CCSER1: variants seen among roughly 807,000 people sequenced by gnomAD.
CCSER1 encodes coiled-coil serine rich protein 1.
In CCSER1, 41 loss-of-function variants were observed where a neutral mutation model predicts 82.0. That is an observed-to-expected ratio of 0.50 (90% confidence interval 0.39 to 0.65). The LOEUF (loss-of-function observed/expected upper bound fraction) is 0.65. Among genes scored for constraint, CCSER1 ranks in the 30% least tolerant of loss-of-function variants. The pLI is 0.00. For synonymous variants in CCSER1, 414 were observed against 383.9 expected (o/e 1.08, Z -0.92); for missense variants, 1,119 against 1,064.2 (o/e 1.05, Z -0.72).
intron 3 of CCSER1, among the ~76,000 whole-genome samples, chr4:90,385,293 G>A (rs193276017): frequency 6.6e-6 from 1 of 151,836 alleles, no homozygotes; most frequent in East Asian, 1.9e-4. Context: ...TTAGATCTTT[G>A]AGAAATCTTC....
intron 9 of CCSER1, among the ~76,000 whole-genome samples, chr4:90,947,055 G>C (rs1732339758): frequency 6.6e-6 from 1 of 152,148 alleles, no homozygotes; most frequent in Non-Finnish European, 1.5e-5. Context: ...TTGTACAACA[G>C]ATCTTAAATT....
chr4:90,404,894 A>G (rs2153548464), intron 4 of CCSER1, among the ~76,000 whole-genome samples: 1 of 152,310 alleles, frequency 6.6e-6, no homozygotes, highest in East Asian at 1.9e-4. Flanking sequence ...TCCCTCTGAC[A>G]CAGTCTACTC....
chr4:90,932,980 AAGAGAAAG>A (rs1195327722), intron 9 of CCSER1, among the ~76,000 whole-genome samples: 1 of 21,940 alleles, frequency 4.6e-5, no homozygotes, highest in South Asian at 1.3e-3. Context: ...GAAAGAAAGA[AAGAGAAAG>A]AAAGAAAGAA....
chr4:90,170,806 T>C (rs954378393), intron 1 of CCSER1, among the ~76,000 whole-genome samples: 9 of 151,944 alleles, frequency 5.9e-5, no homozygotes, highest in African/African-American at 1.9e-4. Flanking sequence ...TTGTCTATTG[T>C]GAATAGTACT....
At chr4:90,821,351 T>G (rs1759695965) in intron 8 of CCSER1, among the ~76,000 whole-genome samples, 1 of 152,156 alleles carries the variant, frequency 6.6e-6, no homozygotes, top group Non-Finnish European at 1.5e-5. Flanking sequence ...TCAGTGAGAA[T>G]TATTACACAT....
intron 8 of CCSER1, among the ~76,000 whole-genome samples, chr4:90,876,254 A>T (rs879398776): frequency 2.0e-5 from 3 of 152,086 alleles, no homozygotes; most frequent in Non-Finnish European, 4.4e-5. Context: ...TTCCACCAAG[A>T]TTATCATTCA....
intron 5 of CCSER1, among the ~76,000 whole-genome samples, chr4:90,584,291 A>G (rs1201808188): frequency 6.6e-6 from 1 of 152,210 alleles, no homozygotes; most frequent in African/African-American, 2.4e-5. Context: ...GATTCCAAGC[A>G]TGAAGATTTG....
At chr4:91,493,056 G>A (rs992805452) in intron 10 of CCSER1, among the ~76,000 whole-genome samples, 7 of 152,058 alleles carry the variant, frequency 4.6e-5, no homozygotes, top group South Asian at 4.1e-4. Flanking sequence ...TGAAATACTC[G>A]TAAATATTGC....
At chr4:90,834,049 T>C (rs977049784) in intron 8 of CCSER1, among the ~76,000 whole-genome samples, 2 of 152,176 alleles carry the variant, frequency 1.3e-5, no homozygotes, top group Non-Finnish European at 2.9e-5. Context: ...AACTTCCTTA[T>C]GAATTACCCA....
intron 5 of CCSER1, among the ~76,000 whole-genome samples, chr4:90,575,078 T>C (rs1780591251): frequency 6.6e-6 from 1 of 152,232 alleles, no homozygotes; most frequent in Admixed American, 6.5e-5. Context: ...TTATTCCTTT[T>C]GCTTTTGTTC....
intron 4 of CCSER1, among the ~76,000 whole-genome samples, chr4:90,427,232 G>A (rs1345625449): frequency 6.6e-6 from 1 of 151,768 alleles, no homozygotes; most frequent in East Asian, 1.9e-4. Flanking sequence ...ACTAACATTG[G>A]AGAATTCGGA....
At chr4:90,985,595 A>AT (rs200062414) in intron 9 of CCSER1, among the ~76,000 whole-genome samples, 1,960 of 151,680 alleles carry the variant, frequency 0.013, 22 homozygotes, top group Non-Finnish European at 0.021. Flanking sequence ...GGTGCTTCTA[A>AT]TTTTTTTATT....
At chr4:90,469,560 C>CACACACAT (rs1560567798) in intron 5 of CCSER1, among the ~76,000 whole-genome samples, 1 of 151,424 alleles carries the variant, frequency 6.6e-6, no homozygotes, top group Non-Finnish European at 1.5e-5. Context: ...CACACACACA[C>CACACACAT]ACACACATTT....
At chr4:91,309,466 T>C (rs1306100834) in intron 10 of CCSER1, among the ~76,000 whole-genome samples, 1 of 152,026 alleles carries the variant, frequency 6.6e-6, no homozygotes, top group Non-Finnish European at 1.5e-5. Context: ...ACAATCCGTT[T>C]GCTAGTATAC....
intron 5 of CCSER1, among the ~76,000 whole-genome samples, chr4:90,504,539 C>T (rs2153613442): frequency 6.6e-6 from 1 of 152,256 alleles, no homozygotes; most frequent in East Asian, 1.9e-4. Flanking sequence ...TTCTGATTGC[C>T]TAAAAGACTG....
chr4:90,256,988 T>C (rs576988071), intron 1 of CCSER1, among the ~76,000 whole-genome samples: 1 of 152,052 alleles, frequency 6.6e-6, no homozygotes, highest in Non-Finnish European at 1.5e-5. Context: ...AAATACATAG[T>C]ATTTATGACA....
intron 10 of CCSER1, among the ~76,000 whole-genome samples, chr4:91,286,560 C>A (rs1447634526): frequency 6.6e-6 from 1 of 151,652 alleles, no homozygotes. Flanking sequence ...GTTGGTATAA[C>A]CTTATCTACA....
At chr4:91,375,534 T>TTTAA (rs1553929942) in intron 10 of CCSER1, among the ~76,000 whole-genome samples, 137 of 151,830 alleles carry the variant, frequency 9.0e-4, no homozygotes, top group African/African-American at 3.2e-3. Context: ...TTTTTTTTTT[T>TTTAA]TAAGACAACT....
At chr4:90,911,780 C>T (rs1306468125) in intron 8 of CCSER1, among the ~76,000 whole-genome samples, 2 of 152,192 alleles carry the variant, frequency 1.3e-5, no homozygotes, top group Non-Finnish European at 2.9e-5. Context: ...CACTCCCAAC[C>T]TAATACTGCG....
Sources: gnomAD v4.1 joint callset for allele counts (sites outside exome capture counted in the v4.1 genomes callset) on GRCh38, gnomAD v4.1.1 for gene constraint, MANE v1.5 for transcripts, NCBI Gene and HGNC (gene_info 2026-07-23, HGNC 2026-07-21) for gene names.